DPP10: variants seen among roughly 807,000 people sequenced by gnomAD.
DPP10 encodes the protein dipeptidyl peptidase like 10.
In DPP10, 33 loss-of-function variants were observed where a neutral mutation model predicts 120.9. That is an observed-to-expected ratio of 0.27 (90% confidence interval 0.21 to 0.37). The LOEUF is 0.37. Ranked by LOEUF, DPP10 falls within the 10% of genes least tolerant of loss-of-function variation. The pLI, the probability that DPP10 is intolerant of heterozygous loss-of-function variation, is 1.00. For missense variants in DPP10, 816 were observed against 942.8 expected (o/e 0.87, Z 1.76); for synonymous variants, 337 against 326.1 (o/e 1.03, Z -0.36).
chr2:114,499,630 T>A (rs1682983754), intron 1 of DPP10, among the ~76,000 whole-genome samples: 1 of 152,004 alleles, frequency 6.6e-6, no homozygotes, highest in Non-Finnish European at 1.5e-5. Context: ...AGCCATAGGC[T>A]AAGATGATAG....
At chr2:115,056,562 T>C (rs62164504) in intron 1 of DPP10, among the ~76,000 whole-genome samples, 22,629 of 152,082 alleles carry the variant, frequency 0.15, 1,917 homozygotes, top group Non-Finnish European at 0.17. Context: ...GTCTTCTGTG[T>C]TGTCCAGGTC....
At chr2:115,312,444 C>T (rs1173127136) in intron 2 of DPP10, among the ~76,000 whole-genome samples, 1 of 152,126 alleles carries the variant, frequency 6.6e-6, no homozygotes, top group African/African-American at 2.4e-5. Context: ...CAGCTCAAGA[C>T]TTGAGTCTTC....
chr2:114,982,887 G>A (rs1700175518), intron 1 of DPP10, among the ~76,000 whole-genome samples: 1 of 151,986 alleles, frequency 6.6e-6, no homozygotes, highest in African/African-American at 2.4e-5. Flanking sequence ...GATTACAGGT[G>A]TGAGCCACTG....
intron 1 of DPP10, among the ~76,000 whole-genome samples, chr2:114,996,302 T>C (rs1701077575): frequency 6.6e-6 from 1 of 152,240 alleles, no homozygotes; most frequent in African/African-American, 2.4e-5. Flanking sequence ...AATCACGTTC[T>C]ACTTTCTCTA....
At chr2:115,244,871 G>A (rs1004014719) in intron 1 of DPP10, among the ~76,000 whole-genome samples, 3 of 149,580 alleles carry the variant, frequency 2.0e-5, no homozygotes, top group Non-Finnish European at 4.4e-5. Context: ...TCATTAGTTT[G>A]GGGGAACAGG....
chr2:114,531,582 G>A (rs1485208611), intron 1 of DPP10, among the ~76,000 whole-genome samples: 2 of 146,358 alleles, frequency 1.4e-5, no homozygotes, highest in East Asian at 2.0e-4. Context: ...ATATTTATAT[G>A]TTACAGATAA....
chr2:114,610,252 G>T (rs1319638833), intron 1 of DPP10, among the ~76,000 whole-genome samples: 1 of 152,146 alleles, frequency 6.6e-6, no homozygotes, highest in Admixed American at 6.5e-5. Flanking sequence ...AAGAGGTGGG[G>T]TTATAAACCC....
rs538595965 is a variant in DPP10 at position 115,517,854 on chromosome 2, G to A, written c.367-8044G>A. Among the ~76,000 whole-genome samples the A allele has an allele frequency of 5.3e-5, 8 of 152,256 alleles. No homozygotes were observed. In the East Asian group the frequency reaches 1.2e-3, roughly 22 times the overall value. Reference sequence around the variant, plus strand: ...ATCTACTAGTTCATTTTGTATTGCTGTAAAGGAATATCTGAGGCTGGGTAA... The same window carrying A: ...ATCTACTAGTTCATTTTGTATTGCTATAAAGGAATATCTGAGGCTGGGTAA... On this transcript the variant is annotated intron_variant, in intron 4 of 25. Coordinates refer to ENST00000410059, the MANE Select transcript of DPP10 (RefSeq NM_020868.6).
At chr2:114,519,574 A>G (rs1329194719) in intron 1 of DPP10, among the ~76,000 whole-genome samples, 1 of 152,214 alleles carries the variant, frequency 6.6e-6, no homozygotes, top group Non-Finnish European at 1.5e-5. Context: ...TTCAGTTGAC[A>G]GTTTCTGCAG....
chr2:115,800,429 C>G (rs1008398045), intron 19 of DPP10, among the ~76,000 whole-genome samples: 2 of 152,104 alleles, frequency 1.3e-5, no homozygotes, highest in African/African-American at 4.8e-5. Context: ...TGCAGAAACT[C>G]TTTAGTTTAA....
intron 5 of DPP10, among the ~76,000 whole-genome samples, chr2:115,549,101 A>G (rs1049241610): frequency 3.9e-5 from 6 of 152,160 alleles, no homozygotes; most frequent in African/African-American, 1.4e-4. Context: ...TCCAGAAGCC[A>G]TGTCTCTATT....
At chr2:115,324,293 A>G (rs2062224250) in intron 2 of DPP10, among the ~76,000 whole-genome samples, 2 of 152,148 alleles carry the variant, frequency 1.3e-5, no homozygotes, top group South Asian at 4.1e-4. Flanking sequence ...GGAAAGTTCT[A>G]GATAGTATCT....
intron 1 of DPP10, among the ~76,000 whole-genome samples, chr2:115,005,827 G>A (rs549080781): frequency 1.1e-4 from 17 of 152,280 alleles, no homozygotes; most frequent in African/African-American, 3.6e-4. Flanking sequence ...CCCCAATCTA[G>A]CAAGGCAGGC....
At chr2:115,451,442 T>C (rs1035586981) in intron 3 of DPP10, among the ~76,000 whole-genome samples, 21 of 151,874 alleles carry the variant, frequency 1.4e-4, no homozygotes, top group African/African-American at 5.1e-4. Context: ...CAGACAAAAA[T>C]AAAACTCTTT....
At chr2:115,682,265 T>G (rs2090712864) in intron 5 of DPP10, among the ~76,000 whole-genome samples, 1 of 151,942 alleles carries the variant, frequency 6.6e-6, no homozygotes, top group South Asian at 2.1e-4. Flanking sequence ...GAAAATAGTT[T>G]AATGCCAACT....
intron 1 of DPP10, among the ~76,000 whole-genome samples, chr2:115,035,287 A>C (rs2105267546): frequency 6.6e-6 from 1 of 152,320 alleles, no homozygotes; most frequent in East Asian, 1.9e-4. Context: ...TCCCTACCCC[A>C]GTCAGGCAGA....
intron 3 of DPP10, among the ~76,000 whole-genome samples, chr2:115,450,681 C>T (rs2073038100): frequency 6.6e-6 from 1 of 151,852 alleles, no homozygotes; most frequent in Non-Finnish European, 1.5e-5. Context: ...TTCTTCAGAG[C>T]CATGAGTATT....
At position 115,649,241 on chromosome 2, in the gene DPP10, C is replaced by G. The variant is rs377763959; in HGVS notation, c.442-40446C>G. On this transcript the variant is annotated intron_variant, in intron 5 of 25. Transcript: ENST00000410059. ...GGCCAAATGTTCTATGTGAGAGGAGCTACTCTTCTGTTACTTTCTCTGAGC... is the reference window on the plus strand; with the variant it reads ...GGCCAAATGTTCTATGTGAGAGGAGGTACTCTTCTGTTACTTTCTCTGAGC... Among the ~76,000 whole-genome samples, 250 of 152,148 alleles carry G rather than the reference C, an allele frequency of 1.6e-3. 8 individuals are homozygous for G. In the South Asian group the frequency reaches 0.05, roughly 30 times the overall value.
intron 1 of DPP10, among the ~76,000 whole-genome samples, chr2:115,023,561 A>G (rs1703232254): frequency 6.6e-6 from 1 of 152,170 alleles, no homozygotes; most frequent in Non-Finnish European, 1.5e-5. Context: ...GCAAACTAGT[A>G]CAACCACTAG....
Sources: allele counts gnomAD v4.1 joint callset (sites outside exome capture counted in the v4.1 genomes callset), GRCh38; gene constraint gnomAD v4.1.1; transcripts MANE v1.5; gene names NCBI Gene and HGNC (gene_info 2026-07-23, HGNC 2026-07-21).